The following ADRA1A variants were observed in gnomAD, a reference collection of about 807,000 sequenced individuals.
ADRA1A encodes the protein alpha-1A adrenergic receptor.
Under a neutral mutation model 29.6 loss-of-function variants are expected in ADRA1A, and 31 were observed. That is an observed-to-expected ratio of 1.05 (90% CI 0.79 to 1.41). The LOEUF is 1.41. Ranked by LOEUF, ADRA1A falls within the 40% of genes most tolerant of loss-of-function variation. The pLI is 0.00. For synonymous variants in ADRA1A, 311 were observed against 254.3 expected, an observed-to-expected ratio of 1.22 and a Z score of -2.12; for missense variants, 619 against 601.1, an observed-to-expected ratio of 1.03 and a Z score of -0.31.
In ADRA1A at chr8:26,787,062, G is replaced by A. The variant is rs375982179; in HGVS notation, c.884-16396C>T. ...CTCATCTTACAGATGAGGAAACTGA[G>A]GCTTAAGGAGTTTAATTTGCAACTA... On this transcript the variant is annotated intron_variant, in intron 2 of 2. Transcript: ENST00000380573. The surrounding 1 kb of genome is among the most constrained non-coding windows in gnomAD (Gnocchi z 4.2). Among the ~76,000 whole-genome samples, 7 of 152,216 alleles carry A rather than the reference G, an allele frequency of 4.6e-5. No individual in the cohort carries two copies. Among genetic ancestry groups the A allele is most frequent in the African/African-American group, 1.2e-4 (5 of 41,544 alleles).
intron 2 of ADRA1A, among the ~76,000 whole-genome samples, chr8:26,807,016 C>G (rs1479931237): frequency 3.3e-5 from 5 of 152,188 alleles, no homozygotes; most frequent in Non-Finnish European, 7.3e-5. Flanking sequence ...AACATGTTCA[C>G]TGAACGAGCT....
intron 2 of ADRA1A, among the ~76,000 whole-genome samples, chr8:26,789,766 A>C (rs1807679219): frequency 6.6e-6 from 1 of 152,216 alleles, no homozygotes; most frequent in African/African-American, 2.4e-5. Flanking sequence ...ACTATTAAAC[A>C]GTGAAAAATG....
At chr8:26,758,941 T>C (rs1219549374) in intron 2 of ADRA1A, among the ~76,000 whole-genome samples, 1 of 152,238 alleles carries the variant, frequency 6.6e-6, no homozygotes, top group Admixed American at 6.5e-5. Flanking sequence ...TACCTTACCA[T>C]ATCATGTGCA....
chr8:26,864,462 G>A lies in ADRA1A; in HGVS notation c.508C>T (p.Pro170Ser). The A allele has an allele frequency of 6.2e-7, 1 of 1,613,508 alleles. No homozygotes were observed. The highest frequency in any genetic ancestry group is 1.3e-5 in the African/African-American group (1 of 75,052). Residue 170 changes from proline to serine, a missense_variant, in exon 2 of 3, where the codon CCC becomes TCC. Physicochemically the swap from Pro to Ser is moderately conservative, Grantham distance 74. Coordinates refer to ENST00000380573, the MANE Select transcript of ADRA1A (RefSeq NM_000680.4). The surrounding 1 kb of genome is among the most constrained non-coding windows in gnomAD (Gnocchi z 8.1). ...GPLFGWRQPA[P>S]EDETICQINE... Reference sequence around the variant, plus strand: ...ATCTGGCAGATGGTCTCGTCCTCGGGGGCCGGCTGCCTCCAGCCGAACAGG... The same window carrying A: ...ATCTGGCAGATGGTCTCGTCCTCGGAGGCCGGCTGCCTCCAGCCGAACAGG...
chr8:26,827,687 C>A (rs1810677599), intron 2 of ADRA1A, among the ~76,000 whole-genome samples: 1 of 151,854 alleles, frequency 6.6e-6, no homozygotes, highest in African/African-American at 2.4e-5. Context: ...AACAGGAATG[C>A]CCAGTCTTGG....
At chr8:26,839,451 C>A (rs887560984) in intron 2 of ADRA1A, among the ~76,000 whole-genome samples, 2 of 152,150 alleles carry the variant, frequency 1.3e-5, no homozygotes, top group African/African-American at 4.8e-5. Context: ...AGCCACCATG[C>A]CCGGCCTGAA....
downstream of ADRA1A, chr8:26,765,818 G>A: frequency 1.5e-6 from 2 of 1,342,064 alleles, no homozygotes; most frequent in Non-Finnish European, 1.9e-6. Context: ...AAGCAATTGA[G>A]AAAGTTTGTC....
Position 26,806,103 on chromosome 8 carries a change from G to A in ADRA1A, c.884-35437C>T, listed in dbSNP as rs548852184. Among the ~76,000 whole-genome samples, 13 of 152,164 alleles carry A rather than the reference G, an allele frequency of 8.5e-5. No homozygotes were observed. Among genetic ancestry groups the A allele is most frequent in the African/African-American group, 3.1e-4 (13 of 41,526 alleles). On this transcript the variant is annotated intron_variant, in intron 2 of 2. Transcript: ENST00000380573. This position sits in a 1 kb window ranked among gnomAD's most constrained non-coding sequence, Gnocchi z 4.6. ...CATGTGGCAGCTTTACCTAATGACC[G>A]AACTCCCGAATGTTCCCATTCTGTC...
At chr8:26,846,494 C>T (rs181976923) in intron 2 of ADRA1A, among the ~76,000 whole-genome samples, 56 of 152,262 alleles carry the variant, frequency 3.7e-4, no homozygotes, top group African/African-American at 7.0e-4. Context: ...TTGGGCCAGG[C>T]GCAGTGGCTC....
chr8:26,790,821 A>G (rs1049216729), intron 2 of ADRA1A, among the ~76,000 whole-genome samples: 1 of 152,220 alleles, frequency 6.6e-6, no homozygotes, highest in Non-Finnish European at 1.5e-5. Flanking sequence ...TCTCTTTGGA[A>G]TAAGTTTGAT....
intron 2 of ADRA1A, among the ~76,000 whole-genome samples, chr8:26,818,236 T>G (rs944640418): frequency 6.6e-6 from 1 of 152,176 alleles, no homozygotes; most frequent in Non-Finnish European, 1.5e-5. Context: ...TTTTCTGTCT[T>G]TTTTATGGTC....
At position 26,864,974 on chromosome 8, in the gene ADRA1A, C is replaced by T. The variant is rs1389514036; in HGVS notation, c.-5G>A. On this transcript the variant is annotated 5_prime_UTR_variant, in exon 2 of 3. Transcript: ENST00000380573. This position sits in a 1 kb window ranked among gnomAD's most constrained non-coding sequence, Gnocchi z 8.1. ...ATTTCCCGAGAGAAACACCATGGTC[C>T]CAGCCGGGGCCGGGCGAGGTCCGGC... The T allele has an allele frequency of 5.0e-6, 8 of 1,588,444 alleles. No homozygotes were observed. The highest frequency in any genetic ancestry group is 3.4e-5 in the Admixed American group (2 of 58,944).
At chr8:26,771,079 T>C (rs948882513) in intron 2 of ADRA1A, among the ~76,000 whole-genome samples, 4 of 152,260 alleles carry the variant, frequency 2.6e-5, no homozygotes, top group African/African-American at 7.2e-5. Context: ...TGCCCTTTAT[T>C]CTCTGATGCA....
At chr8:26,752,597 C>T (rs1332722329), downstream of ADRA1A, among the ~76,000 whole-genome samples, 2 of 152,200 alleles carry the variant, frequency 1.3e-5, no homozygotes, top group Admixed American at 1.3e-4. Flanking sequence ...TTTGGGGCTG[C>T]TTTTTATTAA....
At chr8:26,854,595 CATT>C (rs1414363862) in intron 2 of ADRA1A, 1 of 152,110 alleles carries the variant, frequency 6.6e-6, no homozygotes, top group Non-Finnish European at 1.5e-5. Flanking sequence ...GGGATGGAAA[CATT>C]GTTGAGAATT....
rs966551984 is a variant in ADRA1A at position 26,841,991 on chromosome 8, T to C, written c.883+22096A>G. Among the ~76,000 whole-genome samples the C allele has an allele frequency of 9.9e-5, 15 of 152,164 alleles. No individual in the cohort carries two copies. Among genetic ancestry groups the C allele is most frequent in the Admixed American group, 2.6e-4 (4 of 15,280 alleles). On this transcript the variant is annotated intron_variant, in intron 2 of 2. Transcript: ENST00000380573. This position sits in a 1 kb window ranked among gnomAD's most constrained non-coding sequence, Gnocchi z 4.4. ...CTACTGATGCCAACATATTCTAACA[T>C]TCAGCCCTCCTTAGGAGATGACCCA...
In ADRA1A at chr8:26,848,643, C is replaced by A. The variant is rs891605680; in HGVS notation, c.883+15444G>T. Among the ~76,000 whole-genome samples, 1 of 152,150 alleles carries A rather than the reference C, an allele frequency of 6.6e-6. No individual in the cohort carries two copies. The highest frequency in any genetic ancestry group is 2.4e-5 in the African/African-American group (1 of 41,428). On this transcript the variant is annotated intron_variant, in intron 2 of 2. Transcript: ENST00000380573. The surrounding 1 kb of genome is among the most constrained non-coding windows in gnomAD (Gnocchi z 4.3). ...CTGCCCAGGTATTCCATTATGGCAG[C>A]CTGAGCTGACAAGTCTACCGCTTGA... is the stretch of plus-strand genomic sequence containing the variant.
At chr8:26,807,508 T>C (rs62492225) in intron 2 of ADRA1A, among the ~76,000 whole-genome samples, 8,635 of 152,282 alleles carry the variant, frequency 0.057, 234 homozygotes, top group Middle Eastern at 0.088. Context: ...TCAAAGATCA[T>C]GTTGCATTGT....
At chr8:26,850,025 C>CAAA (rs141672591) in intron 2 of ADRA1A, among the ~76,000 whole-genome samples, 5 of 121,556 alleles carry the variant, frequency 4.1e-5, no homozygotes, top group African/African-American at 1.6e-4. Flanking sequence ...GAGAGAAATG[C>CAAA]AAAAACAAAA....
Sources: gnomAD v4.1 joint callset for allele counts (sites outside exome capture counted in the v4.1 genomes callset) on GRCh38, gnomAD v4.1.1 for gene constraint, Gnocchi (gnomAD v3.1) non-coding constraint, MANE v1.5 for transcripts, NCBI Gene and HGNC (gene_info 2026-07-23, HGNC 2026-07-21) for gene names.